TRERF1: variants seen among roughly 807,000 people sequenced by gnomAD.
The protein encoded by TRERF1 is transcriptional regulating factor 1, also known as transcriptional-regulating factor 1.
In TRERF1, 27 loss-of-function variants were observed where a neutral mutation model predicts 122.9. That is an observed-to-expected ratio of 0.22 (90% CI 0.16 to 0.30). The LOEUF is 0.30. Among genes scored for constraint, TRERF1 ranks in the 10% least tolerant of loss-of-function variants. TRERF1 has a pLI of 1.00. For synonymous variants in TRERF1, 636 were observed against 641.7 expected, an observed-to-expected ratio of 0.99 and a Z score of 0.13; for missense variants, 1,248 against 1,560.3, an observed-to-expected ratio of 0.80 and a Z score of 3.37.
intron 2 of TRERF1, among the ~76,000 whole-genome samples, chr6:42,388,681 A>C (rs1004069387): frequency 1.4e-4 from 21 of 152,160 alleles, no homozygotes; most frequent in Admixed American, 4.6e-4. Context: ...AGTTGATTAG[A>C]ACTCCCAGAA....
rs1263024891 is a variant in TRERF1 at position 42,268,539 on chromosome 6, TAAG to T, written c.1049_1051del (p.Ser350del). The stretch of plus-strand genomic sequence containing the variant: ...GGTATACTGGTGAGGGTCCCTGTGA[TAAG>T]AAGGAGGCTGCAGGTGCATCTGTTG... On this transcript the variant is annotated inframe_deletion, in exon 5 of 18. Coordinates refer to ENST00000372922, the Ensembl canonical transcript of TRERF1. This position sits in a 1 kb window ranked among gnomAD's most constrained non-coding sequence, Gnocchi z 4.4. The T allele has an allele frequency of 3.1e-6, 5 of 1,613,926 alleles. No homozygotes were observed. The highest frequency in any genetic ancestry group is 1.1e-5 in the South Asian group (1 of 91,080).
At chr6:42,359,665 A>G (rs1193077310) in intron 3 of TRERF1, among the ~76,000 whole-genome samples, 2 of 152,218 alleles carry the variant, frequency 1.3e-5, no homozygotes, top group African/African-American at 4.8e-5. Flanking sequence ...CGGAGGTTGC[A>G]GTGAGCCGAG....
chr6:42,433,184 A>G (rs1364034953), intron 2 of TRERF1, among the ~76,000 whole-genome samples: 2 of 152,158 alleles, frequency 1.3e-5, no homozygotes, highest in Non-Finnish European at 2.9e-5. Context: ...CAAGGAACAC[A>G]GAGGCAAAAC....
At chr6:42,238,587 T>C (rs574741201) in intron 15 of TRERF1, among the ~76,000 whole-genome samples, 23 of 152,028 alleles carry the variant, frequency 1.5e-4, no homozygotes, top group Non-Finnish European at 2.6e-4. Flanking sequence ...TGGGCAAATA[T>C]GGGGGTGGGG....
chr6:42,259,606 A>T lies in TRERF1; in HGVS notation c.2002T>A (p.Ser668Thr), dbSNP rs147004250. 1.3e-4 allele frequency: 214 copies of T among 1,613,764 alleles called. No homozygotes were observed. The highest frequency in any genetic ancestry group is 1.7e-4 in the Non-Finnish European group (200 of 1,179,906). ...GAGGCAGCGGGGTTCGGGTTGTAGG[A>T]GGGCGGCGGCGGGATGAAGAGAGGT... The change falls in exon 9 of 18, where the codon TCC becomes ACC. Residue 668 changes from serine to threonine, a missense_variant. Physicochemically the swap from Ser to Thr is moderately conservative, Grantham distance 58. This residue lies in a region of TRERF1 where 946 missense variants were observed against 1,073.0 expected (regional missense o/e 0.88). Transcript: ENST00000372922. The surrounding 1 kb of genome is among the most constrained non-coding windows in gnomAD (Gnocchi z 4.9).
chr6:42,412,104 G>A (rs1004470525), intron 2 of TRERF1, among the ~76,000 whole-genome samples: 1 of 147,880 alleles, frequency 6.8e-6, no homozygotes. Flanking sequence ...GGGTTCAAAC[G>A]ATTCTCCTGC....
chr6:42,368,918 T>C (rs1427100817), intron 2 of TRERF1, among the ~76,000 whole-genome samples: 1 of 152,088 alleles, frequency 6.6e-6, no homozygotes, highest in Non-Finnish European at 1.5e-5. Flanking sequence ...TATGATACAA[T>C]ACAGAGAATA....
chr6:42,423,532 T>C (rs544748022), intron 2 of TRERF1, among the ~76,000 whole-genome samples: 1 of 152,082 alleles, frequency 6.6e-6, no homozygotes, highest in East Asian at 1.9e-4. Flanking sequence ...CTTTCAGAGC[T>C]GAGATCTCCC....
chr6:42,250,718 G>A (rs1342273701), intron 13 of TRERF1, among the ~76,000 whole-genome samples: 1 of 152,050 alleles, frequency 6.6e-6, no homozygotes, highest in Non-Finnish European at 1.5e-5. Context: ...TTACCAGCAG[G>A]GGCCCCTAAC....
rs565269262 is a variant in TRERF1 at position 42,381,344 on chromosome 6, C to T, written c.-453-18265G>A. Among the ~76,000 whole-genome samples, 7 of 138,746 alleles carry T rather than the reference C, an allele frequency of 5.0e-5. No individual in the cohort carries two copies. In the South Asian group the frequency reaches 6.5e-4, roughly 13 times the overall value. 91.0% of individuals were successfully genotyped at this position (138,746 alleles called of 152,430 possible). ...TAAAACAAGGCGCTGGTTGAACCAG[C>T]GCCTTGTTTTAAGGAACCACCCAGG... is the stretch of plus-strand genomic sequence containing the variant. On this transcript the variant is annotated intron_variant, in intron 2 of 17. Transcript: ENST00000372922.
chr6:42,271,007 T>C (rs1780119594), intron 4 of TRERF1, among the ~76,000 whole-genome samples: 1 of 151,596 alleles, frequency 6.6e-6, no homozygotes, highest in South Asian at 2.1e-4. Context: ...GACCTCATGA[T>C]CCGCCTGTCT....
intron 3 of TRERF1, among the ~76,000 whole-genome samples, chr6:42,317,501 C>T (rs1762687659): frequency 2.0e-5 from 3 of 151,796 alleles, no homozygotes; most frequent in African/African-American, 4.8e-5. Context: ...ACTACAGGTG[C>T]GCACCATTAT....
At chr6:42,418,572 T>C in intron 2 of TRERF1, among the ~76,000 whole-genome samples, 1 of 152,014 alleles carries the variant, frequency 6.6e-6, no homozygotes, top group Non-Finnish European at 1.5e-5. Flanking sequence ...TGCCTGGCCC[T>C]GCGTTTATTT....
intron 4 of TRERF1, among the ~76,000 whole-genome samples, chr6:42,295,061 G>C (rs978181107): frequency 6.6e-6 from 1 of 152,140 alleles, no homozygotes; most frequent in Admixed American, 6.6e-5. Flanking sequence ...ATGCAAACAG[G>C]CTTGGCCACT....
intron 3 of TRERF1, among the ~76,000 whole-genome samples, chr6:42,352,866 T>C (rs879899131): frequency 3.9e-5 from 6 of 152,226 alleles, no homozygotes; most frequent in Non-Finnish European, 8.8e-5. Context: ...ATCAGATTTA[T>C]ACATTTAAAA....
rs56173174 is a variant in TRERF1, at chr6:42,272,524, A to G, written c.-258-2676T>C. Among the ~76,000 whole-genome samples the G allele has an allele frequency of 5.3e-3, 802 of 152,342 alleles. 10 individuals carry two copies. The highest frequency in any genetic ancestry group is 0.019 in the African/African-American group (783 of 41,574). ...GAATCTCAGGCTCCAGTTGAGATCT[A>G]TTGAATCAGAATCTGTATTTTATTG... On this transcript the variant is annotated intron_variant, in intron 4 of 17. Coordinates refer to ENST00000372922, the Ensembl canonical transcript of TRERF1.
In TRERF1 at chr6:42,393,744, C is replaced by T. The variant is rs887572734; in HGVS notation, c.-453-30665G>A. ...CTGGTTAAATAAGTTATAGAACTTC[C>T]GCATAATAGAATGCTGTGCCACCAC... is the stretch of plus-strand genomic sequence containing the variant. On this transcript the variant is annotated intron_variant, in intron 2 of 17. Transcript: ENST00000372922. This position sits in a 1 kb window ranked among gnomAD's most constrained non-coding sequence, Gnocchi z 4.1. Among the ~76,000 whole-genome samples the T allele has an allele frequency of 2.6e-5, 4 of 152,074 alleles. No individual in the cohort carries two copies. Among genetic ancestry groups the T allele is most frequent in the Non-Finnish European group, 4.4e-5 (3 of 68,024 alleles).
chr6:42,384,590 T>C lies in TRERF1; in HGVS notation c.-453-21511A>G, dbSNP rs73430846. On this transcript the variant is annotated intron_variant, in intron 2 of 17. Coordinates refer to ENST00000372922, the Ensembl canonical transcript of TRERF1. Reference sequence around the variant, plus strand: ...GACTCTTCATAACTTGCAAATTTTATATCATGTACACACCTCAACTATTAA... The same window carrying C: ...GACTCTTCATAACTTGCAAATTTTACATCATGTACACACCTCAACTATTAA... Among the ~76,000 whole-genome samples the C allele has an allele frequency of 8.2e-3, 1,255 of 152,308 alleles. 22 individuals carry two copies. Among genetic ancestry groups the C allele is most frequent in the African/African-American group, 0.028 (1,182 of 41,562 alleles).
Position 42,263,236 on chromosome 6 carries a change from A to C in TRERF1, c.1884+84T>G. 6.7e-7 allele frequency: 1 copy of C among 1,494,238 alleles called. No individual in the cohort carries two copies. The highest frequency in any genetic ancestry group is 1.9e-4 in the Middle Eastern group (1 of 5,342). The allele number at this position is 1,494,238 out of a possible 1,614,324, so 92.6% of individuals were successfully genotyped here. On this transcript the variant is annotated intron_variant, in intron 8 of 17. Coordinates refer to ENST00000372922, the Ensembl canonical transcript of TRERF1. This position sits in a 1 kb window ranked among gnomAD's most constrained non-coding sequence, Gnocchi z 5.6. ...AGCAAAGGGATGTCCCCACCCAGGC[A>C]GGTGGGGCAGAGCAGCAACTCACAG...
Sources: gnomAD v4.1 joint callset for allele counts (sites outside exome capture counted in the v4.1 genomes callset) on GRCh38, gnomAD v4.1.1 for gene constraint, gnomAD v4.1.1 regional missense constraint, Gnocchi (gnomAD v3.1) non-coding constraint, MANE v1.5 for transcripts, NCBI Gene and HGNC (gene_info 2026-07-23, HGNC 2026-07-21) for gene names.